Variants in ZSWIM5 observed in about 807,000 individuals in gnomAD.
ZSWIM5 encodes the protein zinc finger SWIM domain-containing protein 5.
ZSWIM5 carries 55 observed loss-of-function variants against 119.6 expected under a neutral mutation model. The observed-to-expected ratio is 0.46, with a 90% CI of 0.37 to 0.58. ZSWIM5 has a LOEUF of 0.58. Ranked by LOEUF, ZSWIM5 falls within the 20% of genes least tolerant of loss-of-function variation. The pLI, the probability that ZSWIM5 is intolerant of heterozygous loss-of-function variation, is 0.00. For synonymous variants in ZSWIM5, 537 were observed against 606.9 expected (o/e 0.88, Z 1.69); for missense variants, 1,193 against 1,512.8 (o/e 0.79, Z 3.51).
chr1:45,185,027 G>A (rs1164072100), intron 1 of ZSWIM5, among the ~76,000 whole-genome samples: 2 of 152,138 alleles, frequency 1.3e-5, no homozygotes, highest in Non-Finnish European at 2.9e-5. Context: ...AACCAAAACA[G>A]AATGGTACTG....
At chr1:45,061,294 T>C (rs1363351181) in intron 2 of ZSWIM5, among the ~76,000 whole-genome samples, 2 of 152,216 alleles carry the variant, frequency 1.3e-5, no homozygotes, top group Non-Finnish European at 2.9e-5. Context: ...CTGTAACAAT[T>C]TGTTTTTTAA....
At chr1:45,154,887 A>T (rs1015211951) in intron 1 of ZSWIM5, among the ~76,000 whole-genome samples, 1 of 152,158 alleles carries the variant, frequency 6.6e-6, no homozygotes, top group Non-Finnish European at 1.5e-5. Flanking sequence ...CAGCTAAAAA[A>T]ATACAAAAAA....
intron 1 of ZSWIM5, among the ~76,000 whole-genome samples, chr1:45,178,204 T>C (rs1645992674): frequency 1.3e-5 from 2 of 151,804 alleles, no homozygotes; most frequent in African/African-American, 2.4e-5. Context: ...GGCAAGCGGA[T>C]CACCTGAGGT....
Position 45,206,321 on chromosome 1 carries a change from C to G in ZSWIM5, c.30G>C (p.Leu10=). MADGGEREE[L]LSPSPVSPAK... is the part of the protein sequence containing the mutation. ...CCGGAGAGACCGGTGACGGCGAGAG[C>G]AGCTCCTCTCGCTCACCTCCGTCCG... Residue 10 remains leucine, a synonymous_variant, in exon 1 of 14, where the codon CTG becomes CTC. Transcript: ENST00000359600. 2 of 1,514,778 alleles carry G rather than the reference C, an allele frequency of 1.3e-6. No individual in the cohort carries two copies. The highest frequency in any genetic ancestry group is 1.8e-6 in the Non-Finnish European group (2 of 1,131,028). 93.8% of individuals were successfully genotyped at this position (1,514,778 alleles called of 1,614,324 possible). A position where few individuals can be genotyped will look rare whatever the true frequency, so the allele number is the denominator to read the frequency against.
intron 11 of ZSWIM5, among the ~76,000 whole-genome samples, chr1:45,028,010 C>G (rs1481083936): frequency 1.3e-5 from 2 of 152,142 alleles, no homozygotes; most frequent in African/African-American, 4.8e-5. Context: ...ACCACCACAC[C>G]CAGCTAATTT....
chr1:45,069,308 C>A (rs1645206358), intron 2 of ZSWIM5, among the ~76,000 whole-genome samples: 1 of 151,870 alleles, frequency 6.6e-6, no homozygotes, highest in Admixed American at 6.6e-5. Context: ...CGCCTGGAGT[C>A]CCAGCTACTG....
intron 1 of ZSWIM5, among the ~76,000 whole-genome samples, chr1:45,133,844 C>T (rs1645673627): frequency 6.6e-6 from 1 of 151,952 alleles, no homozygotes; most frequent in South Asian, 2.1e-4. Flanking sequence ...GCCAGTTTTC[C>T]CAGCACCGTT....
At chr1:45,064,771 A>G (rs1035333183) in intron 2 of ZSWIM5, among the ~76,000 whole-genome samples, 9 of 152,206 alleles carry the variant, frequency 5.9e-5, no homozygotes, top group Admixed American at 3.9e-4. Context: ...CCTAATTTTA[A>G]AATGAAGAAA....
chr1:45,165,563 C>A (rs79433469), intron 1 of ZSWIM5, among the ~76,000 whole-genome samples: 2,907 of 151,966 alleles, frequency 0.019, 125 homozygotes, highest in East Asian at 0.13. Flanking sequence ...AATTGATAGA[C>A]CACTAGCAAG....
chr1:45,194,037 A>T (rs757109232), intron 1 of ZSWIM5, among the ~76,000 whole-genome samples: 12 of 152,172 alleles, frequency 7.9e-5, no homozygotes, highest in Non-Finnish European at 1.3e-4. Context: ...TGAGACAAAA[A>T]TAAGAGTTTT....
At chr1:45,021,547 G>A (rs1433110741) in intron 11 of ZSWIM5, among the ~76,000 whole-genome samples, 2 of 152,180 alleles carry the variant, frequency 1.3e-5, no homozygotes, top group Non-Finnish European at 2.9e-5. Context: ...GAAGGCAGTA[G>A]TGTATGAAAG....
chr1:45,201,744 G>C (rs937710942), intron 1 of ZSWIM5, among the ~76,000 whole-genome samples: 4 of 152,090 alleles, frequency 2.6e-5, no homozygotes, highest in African/African-American at 9.7e-5. Context: ...GCTTTCATTT[G>C]AAGAAATTGA....
chr1:45,075,131 G>T (rs933814970), intron 2 of ZSWIM5, among the ~76,000 whole-genome samples: 2 of 151,988 alleles, frequency 1.3e-5, no homozygotes, highest in East Asian at 3.9e-4. Flanking sequence ...AACTTAACAT[G>T]TGGTCTATCT....
At chr1:45,165,562 AC>A (rs1645896222) in intron 1 of ZSWIM5, among the ~76,000 whole-genome samples, 1 of 152,136 alleles carries the variant, frequency 6.6e-6, no homozygotes, top group South Asian at 2.1e-4. Context: ...AAATTGATAG[AC>A]CACTAGCAAG....
At chr1:45,070,577 A>G (rs542336222) in intron 2 of ZSWIM5, 5 of 438,642 alleles carry the variant, frequency 1.1e-5, no homozygotes, top group East Asian at 8.9e-5. Context: ...TTGTTATTTC[A>G]TAGGTTGCAA....
At chr1:45,080,593 T>A (rs1034398739) in intron 2 of ZSWIM5, among the ~76,000 whole-genome samples, 2 of 152,222 alleles carry the variant, frequency 1.3e-5, no homozygotes, top group African/African-American at 2.4e-5. Context: ...CCAGATATTG[T>A]GAGTGCTCAC....
chr1:45,175,269 T>G (rs1415370875), intron 1 of ZSWIM5, among the ~76,000 whole-genome samples: 1 of 152,140 alleles, frequency 6.6e-6, no homozygotes, highest in Admixed American at 6.6e-5. Context: ...TCCTATCAAA[T>G]GGCACACAAT....
chr1:45,107,125 G>C (rs80320780), intron 1 of ZSWIM5, among the ~76,000 whole-genome samples: 1 of 151,986 alleles, frequency 6.6e-6, no homozygotes, highest in Non-Finnish European at 1.5e-5. Context: ...CTTTGTTCTC[G>C]TGTTTATCTG....
intron 1 of ZSWIM5, among the ~76,000 whole-genome samples, chr1:45,120,203 G>C (rs1177735620): frequency 6.6e-6 from 1 of 152,124 alleles, no homozygotes; most frequent in Non-Finnish European, 1.5e-5. Flanking sequence ...AATTAACTGG[G>C]CGTGGTGGCA....
Sources: allele counts gnomAD v4.1 joint callset (sites outside exome capture counted in the v4.1 genomes callset), GRCh38; gene constraint gnomAD v4.1.1; transcripts MANE v1.5; gene names NCBI Gene and HGNC (gene_info 2026-07-23, HGNC 2026-07-21).